Variants in ZNF491 observed in about 807,000 individuals in gnomAD.
ZNF491 encodes the protein zinc finger protein 491.
A neutral mutation model predicts 34.7 loss-of-function variants in ZNF491; 22 were observed. The ratio of observed to expected loss-of-function variants is 0.63; its 90% confidence interval spans 0.45 to 0.90. ZNF491 has a LOEUF of 0.90. ZNF491 is among the 40% of genes least tolerant of loss of function. The pLI is 0.00. For missense variants in ZNF491, 559 were observed against 531.7 expected (o/e 1.05, Z -0.51); for synonymous variants, 148 against 174.3 (o/e 0.85, Z 1.19).
At position 11,802,859 on chromosome 19, in the gene ZNF491, A is replaced by G. The variant is rs543441701; in HGVS notation, c.-133-1683A>G. ...CTGCTGTTGTGAGCTTTTTCTCTGCACATGAATTAGTAGGACTCTGTTACA... is the reference window on the plus strand; with the variant it reads ...CTGCTGTTGTGAGCTTTTTCTCTGCGCATGAATTAGTAGGACTCTGTTACA... On this transcript the variant is annotated intron_variant, in intron 1 of 2. Coordinates refer to ENST00000323169, the MANE Select transcript of ZNF491 (RefSeq NM_152356.4). 7.9e-5 allele frequency among the ~76,000 whole-genome samples: 12 copies of G among 152,322 alleles called. No individual in the cohort carries two copies. In the East Asian group the frequency reaches 9.6e-4, roughly 12 times the overall value.
intron 1 of ZNF491, among the ~76,000 whole-genome samples, chr19:11,803,831 G>C (rs1027461462): frequency 3.9e-5 from 6 of 152,134 alleles, no homozygotes; most frequent in Non-Finnish European, 8.8e-5. Flanking sequence ...TCTGTTCTTT[G>C]GAAGTGAGTC....
At position 11,807,131 on chromosome 19, in the gene ZNF491, C is replaced by T. The variant is rs1243597853; in HGVS notation, c.1178C>T (p.Thr393Ile). Residue 393 changes from threonine to isoleucine, a missense_variant, in exon 3 of 3, where the codon ACT becomes ATT. By Grantham distance (89) the Thr-to-Ile change is moderately conservative (BLOSUM62 -1). Transcript: ENST00000323169. Reference sequence around the variant, plus strand: ...TGTAAGCATTGTGGGAAAGCCTTCACTTGTTCCATATATATTAGAATACAT... The same window carrying T: ...TGTAAGCATTGTGGGAAAGCCTTCATTTGTTCCATATATATTAGAATACAT... ...YECKHCGKAF[T>I]CSIYIRIHER... The T allele has an allele frequency of 1.2e-6, 2 of 1,612,580 alleles. No homozygotes were observed. The highest frequency in any genetic ancestry group is 1.7e-6 in the Non-Finnish European group (2 of 1,179,520).
rs1040781481 is a variant in ZNF491, at chr19:11,806,746, C to G, written c.793C>G (p.His265Asp). Reference protein sequence around the residue: ...LISFRRHMRMHTGERPHKCKI... With the variant: ...LISFRRHMRMDTGERPHKCKI... ...AAGCTTTCGAAGACACATGAGAATG[C>G]ACACTGGAGAGAGGCCTCATAAATG... is the stretch of plus-strand genomic sequence containing the variant. The change falls in exon 3 of 3, where the codon CAC (histidine) becomes GAC (aspartate). Residue 265 changes from histidine to aspartate, a missense_variant. By Grantham distance (81) the His-to-Asp change is moderately conservative (BLOSUM62 -1). Transcript: ENST00000323169. 1 of 1,613,772 alleles carries G rather than the reference C, an allele frequency of 6.2e-7. No individual in the cohort carries two copies. Among genetic ancestry groups the G allele is most frequent in the African/African-American group, 1.3e-5 (1 of 74,904 alleles).
At chr19:11,803,733 C>T (rs1294653929) in intron 1 of ZNF491, among the ~76,000 whole-genome samples, 1 of 152,198 alleles carries the variant, frequency 6.6e-6, no homozygotes, top group African/African-American at 2.4e-5. Context: ...CTTGATACAC[C>T]TGGTGACAGT....
rs778522778 is a variant in ZNF491, at chr19:11,807,078, G to T, written c.1125G>T (p.Arg375Ser). The T allele has an allele frequency of 6.2e-7, 1 of 1,608,780 alleles. No homozygotes were observed. Among genetic ancestry groups the T allele is most frequent in the Non-Finnish European group, 8.5e-7 (1 of 1,178,268 alleles). The change falls in exon 3 of 3, where the codon AGG becomes AGT. Residue 375 changes from arginine to serine, a missense_variant. By Grantham distance (110) the Arg-to-Ser change is moderately radical (BLOSUM62 -1). Transcript: ENST00000323169. ...TCAGCTCCTTTCATAGACATGAAAGGACTCACGCTGGAGAAAAACCTTATG... is the reference window on the plus strand; with the variant it reads ...TCAGCTCCTTTCATAGACATGAAAGTACTCACGCTGGAGAAAAACCTTATG... Reference protein sequence around the residue: ...HCVSSFHRHERTHAGEKPYEC... With the variant: ...HCVSSFHRHESTHAGEKPYEC...
rs530999643 is a variant in ZNF491, at chr19:11,808,442, CT to C, written c.*1183del. On this transcript the variant is annotated 3_prime_UTR_variant, in exon 3 of 3. Coordinates refer to ENST00000323169, the MANE Select transcript of ZNF491 (RefSeq NM_152356.4). ...GTTGTGTACTTGCAAATGTTTTTCT[CT>C]TTTTTTTGTATACTGAGAAGCTCTA... is the stretch of plus-strand genomic sequence containing the variant. 1.3e-4 allele frequency among the ~76,000 whole-genome samples: 19 copies of C among 150,598 alleles called. No individual in the cohort carries two copies. In the South Asian group the frequency reaches 1.3e-3, roughly 10 times the overall value.
chr19:11,802,056 TG>T (rs1975564135), intron 1 of ZNF491, among the ~76,000 whole-genome samples: 1 of 152,170 alleles, frequency 6.6e-6, no homozygotes. Context: ...TGGGCTCAAT[TG>T]ATCTTCCTGC....
chr19:11,807,476 G>A lies in ZNF491; in HGVS notation c.*209G>A, dbSNP rs1188814069. 4 of 447,570 alleles carry A rather than the reference G, an allele frequency of 8.9e-6. No individual in the cohort carries two copies. The East Asian group carries it at 1.0e-4, about 11-fold the overall frequency. The allele number at this position is 447,570 out of a possible 1,614,324, so 27.7% of individuals were successfully genotyped here. A position where few individuals can be genotyped will look rare whatever the true frequency, so the allele number is the denominator to read the frequency against. On this transcript the variant is annotated 3_prime_UTR_variant, in exon 3 of 3. Coordinates refer to ENST00000323169, the MANE Select transcript of ZNF491 (RefSeq NM_152356.4). ...CATATGATTTCGAAGGCAGACATGA[G>A]GAAGGCCTTAGTCACATTTTAGAGC...
At chr19:11,800,036 G>A (rs1331244720) in intron 1 of ZNF491, among the ~76,000 whole-genome samples, 7 of 152,198 alleles carry the variant, frequency 4.6e-5, no homozygotes, top group African/African-American at 1.4e-4. Flanking sequence ...ATCAACGACA[G>A]TATTGAATTT....
intron 1 of ZNF491, among the ~76,000 whole-genome samples, chr19:11,799,502 C>CT (rs34472985): frequency 0.21 from 23,291 of 108,934 alleles, 2,704 homozygotes; most frequent in Non-Finnish European, 0.27. Context: ...CCCCATAGAG[C>CT]TTTTTTTTTT....
intron 1 of ZNF491, among the ~76,000 whole-genome samples, chr19:11,800,596 C>G (rs1177523177): frequency 1.3e-5 from 2 of 150,064 alleles, no homozygotes; most frequent in African/African-American, 4.9e-5. Flanking sequence ...TCTTGGCTCA[C>G]TGCAACCTCG....
Position 11,806,819 on chromosome 19 carries a change from A to G in ZNF491, c.866A>G (p.His289Arg). Residue 289 changes from histidine to arginine, a missense_variant, in exon 3 of 3, where the codon CAT becomes CGT. Transcript: ENST00000323169. ...TACTCTCCCAGTTCATTTCAAAGGC[A>G]TGAAAGAAGTCACACTGGAGAGAAA... ...AFYSPSSFQR[H>R]ERSHTGEKPY... 3 of 1,609,362 alleles carry G rather than the reference A, an allele frequency of 1.9e-6. No homozygotes were observed. The highest frequency in any genetic ancestry group is 1.1e-5 in the South Asian group (1 of 90,370).
Position 11,808,366 on chromosome 19 carries a change from A to G in ZNF491, c.*1099A>G. Among the ~76,000 whole-genome samples, 1 of 150,240 alleles carries G rather than the reference A, an allele frequency of 6.7e-6. No individual in the cohort carries two copies. Among genetic ancestry groups the G allele is most frequent in the East Asian group, 2.0e-4 (1 of 5,092 alleles). The stretch of plus-strand genomic sequence containing the variant: ...CACTGTACTCCAGCCTGGACAAGAG[A>G]GCAATACTCTGTCTCAAAAAAAAAA... On this transcript the variant is annotated 3_prime_UTR_variant, in exon 3 of 3. Coordinates refer to ENST00000323169, the MANE Select transcript of ZNF491 (RefSeq NM_152356.4).
intron 1 of ZNF491, among the ~76,000 whole-genome samples, chr19:11,803,356 C>A (rs1322542679): frequency 6.6e-6 from 1 of 152,172 alleles, no homozygotes; most frequent in Non-Finnish European, 1.5e-5. Flanking sequence ...TTCCCATATA[C>A]CCGTCACCCA....
rs147551679 is a variant in ZNF491, at chr19:11,807,149, G to T, written c.1196G>T (p.Arg399Ile). The change falls in exon 3 of 3, where the codon AGA becomes ATA. Residue 399 changes from arginine (R) to isoleucine (I), a missense_variant. Physicochemically the swap from Arg to Ile is moderately conservative, Grantham distance 97. Transcript: ENST00000323169. The part of the protein sequence containing the change: ...GKAFTCSIYI[R>I]IHERIHTGEK... Reference sequence around the variant, plus strand: ...GCCTTCACTTGTTCCATATATATTAGAATACATGAAAGAATTCACACTGGA... The same window carrying T: ...GCCTTCACTTGTTCCATATATATTATAATACATGAAAGAATTCACACTGGA... The T allele has an allele frequency of 7.5e-6, 12 of 1,606,960 alleles. No homozygotes were observed. The African/African-American group carries it at 1.5e-4, about 20-fold the overall frequency.
intron 1 of ZNF491, among the ~76,000 whole-genome samples, chr19:11,801,805 G>C (rs1440413859): frequency 6.6e-6 from 1 of 151,982 alleles, no homozygotes; most frequent in Non-Finnish European, 1.5e-5. Flanking sequence ...CTGGTCTTTT[G>C]CAGTTAGCTT....
At position 11,807,373 on chromosome 19, in the gene ZNF491, T is replaced by G; in HGVS notation, c.*106T>G. ...CTCAAGCATCCCTCCCAGCTTGAAG[T>G]GTCAATAAAGGAAGGCAATAAAATG... On this transcript the variant is annotated 3_prime_UTR_variant, in exon 3 of 3. Coordinates refer to ENST00000323169, the MANE Select transcript of ZNF491 (RefSeq NM_152356.4). 1 of 784,532 alleles carries G rather than the reference T, an allele frequency of 1.3e-6. No homozygotes were observed. Among genetic ancestry groups the G allele is most frequent in the Non-Finnish European group, 1.9e-6 (1 of 519,980 alleles). The allele number at this position is 784,532 out of a possible 1,614,324, so 48.6% of individuals were successfully genotyped here. A position where few individuals can be genotyped will look rare whatever the true frequency, so the allele number is the denominator to read the frequency against.
In ZNF491 at chr19:11,806,725, T is replaced by G; in HGVS notation, c.772T>G (p.Phe258Val). The G allele has an allele frequency of 6.2e-7, 1 of 1,613,694 alleles. No homozygotes were observed. The highest frequency in any genetic ancestry group is 8.5e-7 in the Non-Finnish European group (1 of 1,179,916). The change falls in exon 3 of 3, where the codon TTT becomes GTT. Residue 258 changes from phenylalanine to valine, a missense_variant. Coordinates refer to ENST00000323169, the MANE Select transcript of ZNF491 (RefSeq NM_152356.4). Reference protein sequence around the residue: ...YGKALSRLISFRRHMRMHTGE... With the variant: ...YGKALSRLISVRRHMRMHTGE... ...GAAAGCATTATCTCGCCTTATAAGC[T>G]TTCGAAGACACATGAGAATGCACAC...
chr19:11,804,759 C>G lies in ZNF491; in HGVS notation c.-8+92C>G, dbSNP rs796875481. The stretch of plus-strand genomic sequence containing the variant: ...TTCAGGGATTTGGAATATGGATAGG[C>G]AATCCTTCGATGAACAAATCAGGCA... On this transcript the variant is annotated intron_variant, in intron 2 of 2. Transcript: ENST00000323169. 7.0e-6 allele frequency: 4 copies of G among 572,862 alleles called. No homozygotes were observed. In the African/African-American group the frequency reaches 8.1e-5, roughly 12 times the overall value. 35.5% of individuals were successfully genotyped at this position (572,862 alleles called of 1,614,324 possible). A position where few individuals can be genotyped will look rare whatever the true frequency, so the allele number is the denominator to read the frequency against.
Sources: gnomAD v4.1 joint callset for allele counts (sites outside exome capture counted in the v4.1 genomes callset) on GRCh38, gnomAD v4.1.1 for gene constraint, MANE v1.5 for transcripts, NCBI Gene and HGNC (gene_info 2026-07-23, HGNC 2026-07-21) for gene names.